RNF138: variants seen among roughly 807,000 people sequenced by gnomAD.
RNF138 encodes E3 ubiquitin-protein ligase RNF138.
In RNF138, 12 loss-of-function variants were observed where a neutral mutation model predicts 31.0. That is an observed-to-expected ratio of 0.39 (90% CI 0.25 to 0.63). The LOEUF (loss-of-function observed/expected upper bound fraction) is 0.63, where lower values mean the gene tolerates loss of function less well. Among genes scored for constraint, RNF138 ranks in the 20% least tolerant of loss-of-function variants. The probability of loss-of-function intolerance (pLI) is 0.52; values close to 1 mark genes in which losing one functional copy is unlikely to be tolerated. For synonymous variants in RNF138, 105 were observed against 99.5 expected, an observed-to-expected ratio of 1.06 and a Z score of -0.33; for missense variants, 192 against 300.1, an observed-to-expected ratio of 0.64 and a Z score of 2.66.
chr18:32,110,130 T>C (rs576757114), intron 2 of RNF138, among the ~76,000 whole-genome samples: 1 of 152,210 alleles, frequency 6.6e-6, no homozygotes, highest in South Asian at 2.1e-4. Flanking sequence ...GGACTGGACG[T>C]GCATGCTACT....
At chr18:32,119,996 GA>G (rs1289585723) in intron 4 of RNF138, among the ~76,000 whole-genome samples, 1 of 151,960 alleles carries the variant, frequency 6.6e-6, no homozygotes, top group Non-Finnish European at 1.5e-5. Flanking sequence ...TTATTATATA[GA>G]AAATCATTAT....
chr18:32,123,344 C>G (rs755474325), intron 4 of RNF138, among the ~76,000 whole-genome samples, 174 bp from the exon 5 acceptor site: 2 of 151,922 alleles, frequency 1.3e-5, no homozygotes, highest in Admixed American at 6.5e-5. Context: ...AGTTCAGAAC[C>G]ATTTGAAGTT....
At position 32,092,883 on chromosome 18, in the gene RNF138, A is replaced by C; in HGVS notation, c.107A>C (p.His36Pro). ...CCCGTGCGGACCACGGCCTGTCAGC[A>C]CGTGTGAGTAGACGCCCCCTCCCCC... is the stretch of plus-strand genomic sequence containing the variant. The part of the protein sequence containing the change: ...KTPVRTTACQ[H>P]VFCRKCFLTA... Residue 36 changes from histidine to proline, a missense_variant, in exon 2 of 8, where the codon CAC becomes CCC. This residue lies in a region of RNF138 where 52 missense variants were observed against 48.4 expected (regional missense o/e 1.07). Transcript: ENST00000261593. The C allele has an allele frequency of 6.5e-7, 1 of 1,543,326 alleles. No homozygotes were observed. The highest frequency in any genetic ancestry group is 8.8e-7 in the Non-Finnish European group (1 of 1,142,828).
At position 32,130,677 on chromosome 18, in the gene RNF138, A is replaced by G. The variant is rs929111605; in HGVS notation, c.*1490A>G. On this transcript the variant is annotated 3_prime_UTR_variant, in exon 8 of 8. Transcript: ENST00000261593. ...CCTTGTTGACTTTTCTACACTGAAC[A>G]TTTTTTTTAACTTGATTTAATAAAA... The G allele has an allele frequency of 6.6e-6, 1 of 152,218 alleles. No homozygotes were observed. Among genetic ancestry groups the G allele is most frequent in the African/African-American group, 2.4e-5 (1 of 41,422 alleles). 9.4% of individuals were successfully genotyped at this position (152,218 alleles called of 1,614,324 possible). A position where few individuals can be genotyped will look rare whatever the true frequency, so the allele number is the denominator to read the frequency against.
At chr18:32,094,693 TA>T (rs909560422) in intron 2 of RNF138, among the ~76,000 whole-genome samples, 2 of 151,984 alleles carry the variant, frequency 1.3e-5, no homozygotes, top group Admixed American at 1.3e-4. Flanking sequence ...TTCCAATATT[TA>T]AAAAAAATTT....
intron 4 of RNF138, among the ~76,000 whole-genome samples, chr18:32,114,305 G>T (rs2040180922): frequency 6.6e-6 from 1 of 152,130 alleles, no homozygotes; most frequent in African/African-American, 2.4e-5. Flanking sequence ...ACCAGGTGCA[G>T]TGCAGTTCTG....
intron 7 of RNF138, among the ~76,000 whole-genome samples, chr18:32,128,552 T>C (rs181320855): frequency 1.3e-5 from 2 of 152,338 alleles, no homozygotes; most frequent in Admixed American, 6.5e-5. Context: ...AATTTCTTAC[T>C]CAACTCATAA....
chr18:32,097,109 A>G (rs910711894), intron 2 of RNF138, among the ~76,000 whole-genome samples: 2 of 152,248 alleles, frequency 1.3e-5, no homozygotes, highest in African/African-American at 4.8e-5. Flanking sequence ...GCTTCAGAAG[A>G]AAGTACAGAC....
chr18:32,102,501 CT>C (rs977749758), intron 2 of RNF138, among the ~76,000 whole-genome samples: 10 of 151,026 alleles, frequency 6.6e-5, no homozygotes, highest in Middle Eastern at 3.4e-3. Flanking sequence ...GTGCCTGGCC[CT>C]TTTTTTTAGT....
chr18:32,105,490 C>T (rs1225269449), intron 2 of RNF138, among the ~76,000 whole-genome samples: 2 of 152,108 alleles, frequency 1.3e-5, no homozygotes, highest in Admixed American at 6.6e-5. Context: ...CTTTGATAGA[C>T]GTGACATTGC....
chr18:32,108,403 A>G (rs566881961), intron 2 of RNF138, among the ~76,000 whole-genome samples: 109 of 152,276 alleles, frequency 7.2e-4, no homozygotes, highest in African/African-American at 2.1e-3. Flanking sequence ...TGTACATTCT[A>G]AAAAATAGAA....
chr18:32,095,156 G>T (rs571437747), intron 2 of RNF138, among the ~76,000 whole-genome samples: 1 of 138,856 alleles, frequency 7.2e-6, no homozygotes, highest in Non-Finnish European at 1.5e-5. Flanking sequence ...GGGGGAATTG[G>T]AGAGAAATTT....
chr18:32,115,419 C>T (rs1329291612), intron 4 of RNF138, among the ~76,000 whole-genome samples: 3 of 152,096 alleles, frequency 2.0e-5, no homozygotes, highest in Non-Finnish European at 4.4e-5. Context: ...GTTTTACATT[C>T]TATCGCCAAA....
chr18:32,098,512 TTAAAA>T (rs2039855192), intron 2 of RNF138, among the ~76,000 whole-genome samples: 1 of 151,216 alleles, frequency 6.6e-6, no homozygotes, highest in Admixed American at 6.7e-5. Context: ...AGTATATACT[TTAAAA>T]TAATTTTCTT....
At chr18:32,106,026 A>AC (rs1246508969) in intron 2 of RNF138, among the ~76,000 whole-genome samples, 1 of 152,186 alleles carries the variant, frequency 6.6e-6, no homozygotes, top group Non-Finnish European at 1.5e-5. Context: ...CTCTTGGAAT[A>AC]CCTATTGCAT....
chr18:32,108,914 C>T (rs187027621), intron 2 of RNF138, among the ~76,000 whole-genome samples: 294 of 152,098 alleles, frequency 1.9e-3, no homozygotes, highest in African/African-American at 6.9e-3. Flanking sequence ...GTAATCCTCC[C>T]GCCTTGGCCT....
intron 6 of RNF138, among the ~76,000 whole-genome samples, chr18:32,126,103 G>C (rs528992303): frequency 2.6e-5 from 4 of 152,006 alleles, no homozygotes; most frequent in Admixed American, 1.3e-4. Context: ...TCATTTAAAC[G>C]TAAGGATATG....
At chr18:32,102,435 T>A (rs1300932658) in intron 2 of RNF138, among the ~76,000 whole-genome samples, 1 of 150,862 alleles carries the variant, frequency 6.6e-6, no homozygotes, top group Non-Finnish European at 1.5e-5. Flanking sequence ...TCTCCTGACC[T>A]CGTGATCCGC....
chr18:32,113,390 C>T (rs2040165242), intron 3 of RNF138, among the ~76,000 whole-genome samples: 1 of 152,088 alleles, frequency 6.6e-6, no homozygotes, highest in Admixed American at 6.6e-5. Context: ...TGCTTTCTAA[C>T]TCTGCCAGGC....
Sources: allele counts gnomAD v4.1 joint callset (sites outside exome capture counted in the v4.1 genomes callset), GRCh38; gene constraint gnomAD v4.1.1; regional missense constraint gnomAD v4.1.1; transcripts MANE v1.5; gene names NCBI Gene and HGNC (gene_info 2026-07-23, HGNC 2026-07-21).